The following PSG1 variants were observed in gnomAD, a reference collection of about 807,000 sequenced individuals.
PSG1 encodes the protein pregnancy specific beta-1-glycoprotein 1.
A neutral mutation model predicts 41.4 loss-of-function variants in PSG1; 60 were observed. The observed-to-expected ratio is 1.45, with a 90% CI of 1.18 to 1.80. PSG1 has a LOEUF of 1.80. PSG1 is among the 40% of genes most tolerant of loss of function. The probability of loss-of-function intolerance (pLI) is 0.00; values close to 1 mark genes in which losing one functional copy is unlikely to be tolerated. For synonymous variants in PSG1, 256 were observed against 192.9 expected (o/e 1.33, Z -2.71); for missense variants, 806 against 516.9 (o/e 1.56, Z -5.42).
Position 42,878,143 on chromosome 19 carries a change from C to T in PSG1, c.200G>A (p.Trp67Ter). 6.2e-7 allele frequency: 1 copy of T among 1,612,238 alleles called. No individual in the cohort carries two copies. Among genetic ancestry groups the T allele is most frequent in the Non-Finnish European group, 8.5e-7 (1 of 1,179,170 alleles). ...NLPQNLTGYI[W>*]YKGQMRDLYH... is the part of the protein sequence containing the mutation. ...GAGGTCCCTCATTTGCCCTTTGTAC[C>T]AGATGTAGCCGGTAAGATTCTGGGG... Residue 67 changes from tryptophan (W) to a stop codon, truncating the protein, a stop_gained, in exon 2 of 6, where the codon TGG (tryptophan) becomes TAG (stop). Transcript: ENST00000436291. LOFTEE classifies it high-confidence loss of function.
chr19:42,879,166 T>TC (rs1971757748), intron 1 of PSG1, among the ~76,000 whole-genome samples: 1 of 150,024 alleles, frequency 6.7e-6, no homozygotes, highest in African/African-American at 2.5e-5. Context: ...TCTTTTTTTT[T>TC]TTTTGAGATG....
At chr19:42,870,232 A>G (rs1971323707) in intron 3 of PSG1, 1 of 151,794 alleles carries the variant, frequency 6.6e-6, no homozygotes, top group Non-Finnish European at 1.5e-5. Context: ...AGTGTTTTGG[A>G]TTTCTGACAT....
intron 1 of PSG1, among the ~76,000 whole-genome samples, 154 bp downstream of exon 1, chr19:42,879,364 G>C (rs1236527531): frequency 3.3e-5 from 5 of 151,280 alleles, no homozygotes; most frequent in African/African-American, 1.2e-4. Context: ...GTGTTGGCCA[G>C]ACTGATCTTG....
chr19:42,871,432 C>A lies in PSG1; in HGVS notation c.709+335G>T, dbSNP rs10403391. ...GGGAAAATCCTGGTCTGTGGAAGGG[C>A]CACAATCACAGTGACCCTGTGAGCC... On this transcript the variant is annotated intron_variant, in intron 3 of 5. Coordinates refer to ENST00000436291, the MANE Select transcript of PSG1 (RefSeq NM_001184825.2). Among the ~76,000 whole-genome samples the A allele has an allele frequency of 8.6e-5, 13 of 151,644 alleles. 1 individual carries two copies. In the South Asian group the frequency reaches 1.1e-3, roughly 12 times the overall value.
At position 42,869,429 on chromosome 19, in the gene PSG1, A is replaced by T. The variant is rs138499151; in HGVS notation, c.710-395T>A. The T allele has an allele frequency of 1.2e-3, 338 of 272,654 alleles. 3 individuals are homozygous for T. Among genetic ancestry groups the T allele is most frequent in the Middle Eastern group, 3.6e-3 (3 of 840 alleles). 16.9% of individuals were successfully genotyped at this position (272,654 alleles called of 1,614,324 possible). A position where few individuals can be genotyped will look rare whatever the true frequency, so the allele number is the denominator to read the frequency against. ...ATTCCATCCTACTTTGTCCCCCTAG[A>T]TGTGATTTCTCTGCAGCTTCCATTT... On this transcript the variant is annotated intron_variant, in intron 3 of 5. Coordinates refer to ENST00000436291, the MANE Select transcript of PSG1 (RefSeq NM_001184825.2).
intron 1 of PSG1, 98 bp downstream of exon 1, chr19:42,879,420 G>A: frequency 6.5e-7 from 1 of 1,535,634 alleles, no homozygotes. Context: ...CCAAAGTGCT[G>A]GCTTCTTTCA....
At position 42,879,564 on chromosome 19, in the gene PSG1, G is replaced by C. The variant is rs776566622; in HGVS notation, c.18C>G (p.Ala6=). 2 of 1,610,712 alleles carry C rather than the reference G, an allele frequency of 1.2e-6. No homozygotes were observed. The highest frequency in any genetic ancestry group is 8.5e-7 in the Non-Finnish European group (1 of 1,178,306). MGTLS[A]PPCTQRIKWK... ...ATTTGATGCGCTGTGTGCAGGGAGG[G>C]GCTGAGAGGGTTCCCATGGTCTCTG... The change falls in exon 1 of 6, where the codon GCC becomes GCG. Residue 6 remains alanine, a synonymous_variant. Coordinates refer to ENST00000436291, the MANE Select transcript of PSG1 (RefSeq NM_001184825.2).
chr19:42,871,367 G>A (rs985891196), intron 3 of PSG1, among the ~76,000 whole-genome samples: 1 of 151,584 alleles, frequency 6.6e-6, no homozygotes, highest in African/African-American at 2.4e-5. Context: ...GCCATGTGGA[G>A]TAAAGAGAAT....
chr19:42,866,549 A>T lies in PSG1; in HGVS notation c.*585T>A, dbSNP rs1221092578. On this transcript the variant is annotated 3_prime_UTR_variant, in exon 6 of 6. Coordinates refer to ENST00000436291, the MANE Select transcript of PSG1 (RefSeq NM_001184825.2). ...TATCTCTTAGGAAACGGCAAGAGCCATCCACACAATGTGGATTTAAAGGGG... is the reference window on the plus strand; with the variant it reads ...TATCTCTTAGGAAACGGCAAGAGCCTTCCACACAATGTGGATTTAAAGGGG... 3.3e-5 allele frequency: 6 copies of T among 183,272 alleles called. No homozygotes were observed. The highest frequency in any genetic ancestry group is 3.2e-4 in the Admixed American group (6 of 18,498). 11.4% of individuals were successfully genotyped at this position (183,272 alleles called of 1,614,324 possible). A position where few individuals can be genotyped will look rare whatever the true frequency, so the allele number is the denominator to read the frequency against.
At chr19:42,878,460 G>T in intron 1 of PSG1, 182 bp from the exon 2 acceptor site, 1 of 1,096,818 alleles carries the variant, frequency 9.1e-7, no homozygotes, top group South Asian at 1.8e-5. Flanking sequence ...GTGTGTGTAT[G>T]TGTGTGTGTC....
rs1285952564 is a variant in PSG1, at chr19:42,874,587, C to T, written c.431-2542G>A. ...GGTCTCTATCTCTTGACCTTGTGCCCGCCTCGGCCTCCCAAAGTGCTGGGA... is the reference window on the plus strand; with the variant it reads ...GGTCTCTATCTCTTGACCTTGTGCCTGCCTCGGCCTCCCAAAGTGCTGGGA... On this transcript the variant is annotated intron_variant, in intron 2 of 5. Transcript: ENST00000436291. Among the ~76,000 whole-genome samples, 27 of 151,702 alleles carry T rather than the reference C, an allele frequency of 1.8e-4. 1 individual carries two copies. The highest frequency in any genetic ancestry group is 7.3e-5 in the African/African-American group (3 of 41,282).
intron 4 of PSG1, 138 bp downstream of exon 4, chr19:42,868,618 G>T: frequency 6.6e-6 from 10 of 1,524,072 alleles, no homozygotes; most frequent in East Asian, 2.3e-5. Context: ...ATTTCCCAGG[G>T]CAGGGAGTCA....
rs1018161003 is a variant in PSG1, at chr19:42,869,348, G to A, written c.710-314C>T. ...CCAGGCCCTCCCTAATCAGTTGACT[G>A]GCTGGCTCACCTTGGGTTCCTTACC... is the stretch of plus-strand genomic sequence containing the variant. On this transcript the variant is annotated intron_variant, in intron 3 of 5. Transcript: ENST00000436291. The A allele has an allele frequency of 1.4e-4, 70 of 490,438 alleles. 1 individual carries two copies. The highest frequency in any genetic ancestry group is 1.4e-5 in the Non-Finnish European group (4 of 295,208). 30.4% of individuals were successfully genotyped at this position (490,438 alleles called of 1,614,324 possible).
rs763015823 is a variant in PSG1 at position 42,872,000 on chromosome 19, C to T, written c.476G>A (p.Arg159Lys). The change falls in exon 3 of 6, where the codon AGG becomes AAG. Residue 159 changes from arginine to lysine, a missense_variant. Transcript: ENST00000436291. ...TAAGCTCACAGCCTCCATGGTCTCC[C>T]TGGGATTTAAGTTGCTGCTGGAGAT... ...PSISSSNLNP[R>K]ETMEAVSLTC... 12 of 1,612,350 alleles carry T rather than the reference C, an allele frequency of 7.4e-6. No individual in the cohort carries two copies. In the Admixed American group the frequency reaches 1.0e-4, roughly 13 times the overall value.
At chr19:42,870,084 T>A (rs537760715) in intron 3 of PSG1, 1 of 151,360 alleles carries the variant, frequency 6.6e-6, no homozygotes, top group East Asian at 1.9e-4. Context: ...GAGCTGGGAG[T>A]GGGTAGAATC....
In PSG1 at chr19:42,868,747, G is replaced by T. The variant is rs772409855; in HGVS notation, c.988+9C>A. ...TGTCCTGGCCCACAGAGGAACAAAA[G>T]ATACTCACAGAGGACATTCAGGGTG... On this transcript the variant is annotated intron_variant, in intron 4 of 5. Coordinates refer to ENST00000436291, the MANE Select transcript of PSG1 (RefSeq NM_001184825.2). 3.6e-5 allele frequency: 58 copies of T among 1,611,312 alleles called. 1 individual carries two copies. The highest frequency in any genetic ancestry group is 4.4e-5 in the Non-Finnish European group (52 of 1,178,530).
chr19:42,867,248 A>G (rs2122481106), intron 5 of PSG1, 98 bp from the exon 6 acceptor site: 2 of 743,648 alleles, frequency 2.7e-6, no homozygotes, highest in Non-Finnish European at 4.9e-6. Context: ...TTTTCCCTCT[A>G]TGGGCATCTC....
intron 2 of PSG1, among the ~76,000 whole-genome samples, chr19:42,873,252 T>A (rs761340641): frequency 1.3e-5 from 2 of 151,714 alleles, no homozygotes; most frequent in Non-Finnish European, 2.9e-5. Context: ...TATTTTTTTA[T>A]TTTGGAATAT....
intron 4 of PSG1, 133 bp downstream of exon 4, chr19:42,868,623 G>T: frequency 6.5e-7 from 1 of 1,529,160 alleles, no homozygotes; most frequent in Non-Finnish European, 8.8e-7. Flanking sequence ...CCAGGGCAGG[G>T]AGTCATGGCC....
Sources: allele counts gnomAD v4.1 joint callset (sites outside exome capture counted in the v4.1 genomes callset), GRCh38; gene constraint gnomAD v4.1.1; transcripts MANE v1.5; gene names NCBI Gene and HGNC (gene_info 2026-07-23, HGNC 2026-07-21).